The following CD84 variants were observed in gnomAD, a reference collection of about 807,000 sequenced individuals.
CD84 encodes SLAM family member 5.
In CD84, 22 loss-of-function variants were observed where a neutral mutation model predicts 33.8. That is an observed-to-expected ratio of 0.65 (90% CI 0.46 to 0.93). The LOEUF (loss-of-function observed/expected upper bound fraction) is 0.93, where lower values mean the gene tolerates loss of function less well. CD84 is among the 40% of genes least tolerant of loss of function. The pLI is 0.00. For missense variants in CD84, 400 were observed against 397.6 expected, an observed-to-expected ratio of 1.01 and a Z score of -0.05; for synonymous variants, 154 against 145.2, an observed-to-expected ratio of 1.06 and a Z score of -0.44.
In CD84 at chr1:160,569,517, T is replaced by TACAC. The variant is rs140655590; in HGVS notation, c.47-3776_47-3773dup. On this transcript the variant is annotated intron_variant, in intron 1 of 6. Transcript: ENST00000368054. Reference sequence around the variant, plus strand: ...TTGATACCCGGTTAGGGAAATAAGATACACACACACACACACACACACACG... The same window carrying TACAC: ...TTGATACCCGGTTAGGGAAATAAGATACACACACACACACACACACACACACACG... Among the ~76,000 whole-genome samples the TACAC allele has an allele frequency of 2.8e-3, 416 of 147,964 alleles. 1 individual carries two copies. Among genetic ancestry groups the TACAC allele is most frequent in the South Asian group, 5.2e-3 (24 of 4,626 alleles).
chr1:160,576,589 A>G (rs896419100), intron 1 of CD84, among the ~76,000 whole-genome samples: 5 of 152,196 alleles, frequency 3.3e-5, no homozygotes, highest in Non-Finnish European at 4.4e-5. Flanking sequence ...ATTCCCAAAC[A>G]TTAATAGTAG....
Position 160,550,945 on chromosome 1 carries a change from T to C in CD84, c.851A>G (p.Gln284Arg). 6.2e-7 allele frequency: 1 copy of C among 1,613,866 alleles called. No homozygotes were observed. The highest frequency in any genetic ancestry group is 8.5e-7 in the Non-Finnish European group (1 of 1,179,712). The part of the protein sequence containing the change: ...AESRIYDEIL[Q>R]SKVLPSKEEP... Reference sequence around the variant, plus strand: ...TGAATTGCATCAGCTCACCTTGGACTGCAGGATTTCATCATAGATTCTGGA... The same window carrying C: ...TGAATTGCATCAGCTCACCTTGGACCGCAGGATTTCATCATAGATTCTGGA... Residue 284 changes from glutamine to arginine, a missense_variant, in exon 5 of 7, where the codon CAG becomes CGG. Gln to Arg is a conservative substitution (Grantham distance 43). Coordinates refer to ENST00000368054, the MANE Select transcript of CD84 (RefSeq NM_003874.4).
Position 160,542,352 on chromosome 1 carries a change from T to C in CD84, c.*5904A>G, listed in dbSNP as rs910094412. On this transcript the variant is annotated 3_prime_UTR_variant, in exon 7 of 7. Transcript: ENST00000368054. ...GGATAAATGTTAATTATTTTGATTA[T>C]GGTGGATCATTAGCATAGGAAAAAC... 1.3e-5 allele frequency: 2 copies of C among 152,212 alleles called. No individual in the cohort carries two copies. Among genetic ancestry groups the C allele is most frequent in the African/African-American group, 4.8e-5 (2 of 41,458 alleles). The allele number at this position is 152,212 out of a possible 1,614,324, so 9.4% of individuals were successfully genotyped here.
chr1:160,567,288 G>T (rs1657389982), intron 1 of CD84, among the ~76,000 whole-genome samples: 1 of 152,170 alleles, frequency 6.6e-6, no homozygotes, highest in African/African-American at 2.4e-5. Context: ...TTAACCTGAT[G>T]GTGTTGTCTC....
At chr1:160,558,256 G>A (rs1228362153) in intron 2 of CD84, among the ~76,000 whole-genome samples, 2 of 152,174 alleles carry the variant, frequency 1.3e-5, no homozygotes, top group Non-Finnish European at 2.9e-5. Flanking sequence ...GTACACCCCT[G>A]GGATGGAGCT....
At chr1:160,555,980 C>G (rs1350679684) in intron 2 of CD84, among the ~76,000 whole-genome samples, 2 of 152,118 alleles carry the variant, frequency 1.3e-5, no homozygotes, top group Non-Finnish European at 2.9e-5. Flanking sequence ...GTTTGGGGTA[C>G]AGACCTGGAT....
chr1:160,578,123 A>C (rs79130780), intron 1 of CD84, among the ~76,000 whole-genome samples: 5,710 of 152,256 alleles, frequency 0.038, 178 homozygotes, highest in African/African-American at 0.075. Flanking sequence ...TTTCAGGTGA[A>C]TTTTTAAACC....
chr1:160,547,402 T>C lies in CD84; in HGVS notation c.*854A>G, dbSNP rs758826438. On this transcript the variant is annotated 3_prime_UTR_variant, in exon 7 of 7. Coordinates refer to ENST00000368054, the MANE Select transcript of CD84 (RefSeq NM_003874.4). Reference sequence around the variant, plus strand: ...CTTCTGCTGAGGCTGCTTGGAGTGATACAGAAGGAAATCTTGGCCAGAAAG... The same window carrying C: ...CTTCTGCTGAGGCTGCTTGGAGTGACACAGAAGGAAATCTTGGCCAGAAAG... The C allele has an allele frequency of 8.7e-5, 34 of 389,964 alleles. No homozygotes were observed. The highest frequency in any genetic ancestry group is 1.4e-4 in the Non-Finnish European group (31 of 221,182). The allele number at this position is 389,964 out of a possible 1,614,324, so 24.2% of individuals were successfully genotyped here. A position where few individuals can be genotyped will look rare whatever the true frequency, so the allele number is the denominator to read the frequency against.
intron 2 of CD84, among the ~76,000 whole-genome samples, chr1:160,561,584 T>C (rs572513404): frequency 2.0e-5 from 3 of 152,270 alleles, no homozygotes; most frequent in South Asian, 4.1e-4. Flanking sequence ...CAGGAAGCAT[T>C]CCCTGTGAAA....
At chr1:160,571,469 C>T (rs1214297528) in intron 1 of CD84, 3 of 151,952 alleles carry the variant, frequency 2.0e-5, no homozygotes, top group Admixed American at 6.6e-5. Context: ...TTGCCCGTTA[C>T]GAGGTTATTG....
chr1:160,575,087 A>C (rs189335482), intron 1 of CD84, among the ~76,000 whole-genome samples: 1 of 152,240 alleles, frequency 6.6e-6, no homozygotes, highest in Admixed American at 6.5e-5. Context: ...TTACTTTCTT[A>C]GGATCCTCCA....
chr1:160,565,337 T>C, intron 2 of CD84, 67 bp downstream of exon 2: 2 of 1,183,946 alleles, frequency 1.7e-6, no homozygotes, highest in East Asian at 2.4e-5. Flanking sequence ...GAAATGTAGA[T>C]GTGTTTCAGA....
chr1:160,550,404 C>T (rs1008923014), intron 5 of CD84, among the ~76,000 whole-genome samples: 11 of 149,366 alleles, frequency 7.4e-5, no homozygotes, highest in South Asian at 2.2e-4. Flanking sequence ...CAGGAGAGGG[C>T]GATCCAGGGT....
At chr1:160,556,741 A>G (rs1179743398) in intron 2 of CD84, among the ~76,000 whole-genome samples, 1 of 152,212 alleles carries the variant, frequency 6.6e-6, no homozygotes, top group Non-Finnish European at 1.5e-5. Context: ...TAAGGTACAG[A>G]TTTTATTGTA....
At chr1:160,562,600 C>G (rs1657052125) in intron 2 of CD84, among the ~76,000 whole-genome samples, 1 of 152,098 alleles carries the variant, frequency 6.6e-6, no homozygotes, top group Non-Finnish European at 1.5e-5. Flanking sequence ...AAATGTAAAG[C>G]CCCAAAGTAT....
At position 160,545,050 on chromosome 1, in the gene CD84, C is replaced by G. The variant is rs764871826; in HGVS notation, c.*3206G>C. 3 of 152,184 alleles carry G rather than the reference C, an allele frequency of 2.0e-5. No homozygotes were observed. The highest frequency in any genetic ancestry group is 2.9e-5 in the Non-Finnish European group (2 of 68,032). The allele number at this position is 152,184 out of a possible 1,614,324, so 9.4% of individuals were successfully genotyped here. On this transcript the variant is annotated 3_prime_UTR_variant, in exon 7 of 7. Coordinates refer to ENST00000368054, the MANE Select transcript of CD84 (RefSeq NM_003874.4). Reference sequence around the variant, plus strand: ...CACATGCATTTTACAGAAGGAAAATCTAAGAACTAAGACCTAGAGAGAAGG... The same window carrying G: ...CACATGCATTTTACAGAAGGAAAATGTAAGAACTAAGACCTAGAGAGAAGG...
intron 2 of CD84, among the ~76,000 whole-genome samples, chr1:160,560,989 T>C (rs955149915): frequency 9.9e-5 from 15 of 152,082 alleles, no homozygotes; most frequent in Non-Finnish European, 2.1e-4. Context: ...GTTCTGAAAT[T>C]GAGGCAGTAC....
At chr1:160,565,071 A>G (rs891421721) in intron 2 of CD84, among the ~76,000 whole-genome samples, 3 of 152,120 alleles carry the variant, frequency 2.0e-5, no homozygotes, top group African/African-American at 7.2e-5. Context: ...TCTCAAAATG[A>G]AAAGTTTTTT....
At chr1:160,559,783 A>G (rs1166710700) in intron 2 of CD84, among the ~76,000 whole-genome samples, 1 of 152,200 alleles carries the variant, frequency 6.6e-6, no homozygotes, top group Non-Finnish European at 1.5e-5. Flanking sequence ...GGGATAGGGA[A>G]AAATTTACCA....
Sources: gnomAD v4.1 joint callset for allele counts (sites outside exome capture counted in the v4.1 genomes callset) on GRCh38, gnomAD v4.1.1 for gene constraint, MANE v1.5 for transcripts, NCBI Gene and HGNC (gene_info 2026-07-23, HGNC 2026-07-21) for gene names.